The following TPD52L2 variants were observed in gnomAD, a reference collection of about 807,000 sequenced individuals.
TPD52L2 encodes the protein TPD52 like 2.
Under a neutral mutation model 24.7 loss-of-function variants are expected in TPD52L2, and 19 were observed. That is an observed-to-expected ratio of 0.77 (90% CI 0.54 to 1.13). TPD52L2 has a LOEUF of 1.13. Ranked by LOEUF, TPD52L2 falls within the 50% of genes most tolerant of loss-of-function variation. TPD52L2 has a pLI of 0.00. For missense variants in TPD52L2, 236 were observed against 250.4 expected (o/e 0.94, Z 0.39); for synonymous variants, 104 against 100.2 (o/e 1.04, Z -0.23).
At chr20:63,875,248 CGTG>C (rs1019224348) in intron 3 of TPD52L2, among the ~76,000 whole-genome samples, 1 of 151,816 alleles carries the variant, frequency 6.6e-6, no homozygotes, top group African/African-American at 2.4e-5. Flanking sequence ...TACATGACGA[CGTG>C]GTCCTATAAC....
In TPD52L2 at chr20:63,877,495, C is replaced by T. The variant is rs1169035141; in HGVS notation, c.374+1620C>T. Among the ~76,000 whole-genome samples the T allele has an allele frequency of 1.3e-5, 2 of 152,174 alleles. No homozygotes were observed. The highest frequency in any genetic ancestry group is 1.3e-4 in the Admixed American group (2 of 15,274). On this transcript the variant is annotated intron_variant, in intron 4 of 6. Coordinates refer to ENST00000346249, the MANE Select transcript of TPD52L2 (RefSeq NM_003288.4). This position sits in a 1 kb window ranked among gnomAD's most constrained non-coding sequence, Gnocchi z 4.1. ...TTCTAGGGACCCTGGTGGGCTGTGTCTCGGGCTGTTGAACAGTGACTTTGC... is the reference window on the plus strand; with the variant it reads ...TTCTAGGGACCCTGGTGGGCTGTGTTTCGGGCTGTTGAACAGTGACTTTGC...
intron 5 of TPD52L2, among the ~76,000 whole-genome samples, chr20:63,884,839 G>A (rs988240354): frequency 1.3e-5 from 2 of 152,220 alleles, no homozygotes; most frequent in African/African-American, 2.4e-5. Flanking sequence ...GAGCCAGCTC[G>A]CTCCAGTTGG....
chr20:63,866,954 C>A (rs144901804), intron 1 of TPD52L2, among the ~76,000 whole-genome samples: 2,244 of 139,666 alleles, frequency 0.016, 28 homozygotes, highest in Non-Finnish European at 0.021. Flanking sequence ...GGTCTTTCTA[C>A]TTTTTTTTTT....
chr20:63,890,079 GC>G lies in TPD52L2; in HGVS notation c.*135del, dbSNP rs777247456. 7.9e-6 allele frequency: 12 copies of G among 1,511,854 alleles called. No homozygotes were observed. The highest frequency in any genetic ancestry group is 8.9e-6 in the Non-Finnish European group (10 of 1,127,560). 93.7% of individuals were successfully genotyped at this position (1,511,854 alleles called of 1,614,324 possible). A position where few individuals can be genotyped will look rare whatever the true frequency, so the allele number is the denominator to read the frequency against. On this transcript the variant is annotated 3_prime_UTR_variant, in exon 7 of 7. Coordinates refer to ENST00000346249, the MANE Select transcript of TPD52L2 (RefSeq NM_003288.4). ...CCTGAGGACAGTCCTGCCCATCCACGCGGAGATGTGGCTGCCGCGTTTGCAT... is the reference window on the plus strand; with the variant it reads ...CCTGAGGACAGTCCTGCCCATCCACGGGAGATGTGGCTGCCGCGTTTGCAT...
intron 1 of TPD52L2, among the ~76,000 whole-genome samples, chr20:63,866,195 C>T (rs570408632): frequency 2.6e-4 from 40 of 152,138 alleles, no homozygotes; most frequent in African/African-American, 9.4e-4. Context: ...ACCTCGACCT[C>T]CCGGGTTCAA....
intron 2 of TPD52L2, among the ~76,000 whole-genome samples, chr20:63,873,266 G>A (rs552854843): frequency 6.6e-6 from 1 of 151,970 alleles, no homozygotes; most frequent in South Asian, 2.1e-4. Context: ...GAGGTGGGAG[G>A]ATCACCTGAG....
intron 5 of TPD52L2, among the ~76,000 whole-genome samples, chr20:63,883,642 T>C (rs1292746616): frequency 6.6e-6 from 1 of 152,112 alleles, no homozygotes; most frequent in Non-Finnish European, 1.5e-5. Context: ...ACTGGTCTTC[T>C]GGCTTTTGGA....
chr20:63,869,459 T>A lies in TPD52L2; in HGVS notation c.165+18T>A, dbSNP rs764057446. ...TTACCAAGGTGCTGTGGCTTGGCTG[T>A]CTGTCCTGGGGTGAATTGGAGTTAA... is the stretch of plus-strand genomic sequence containing the variant. On this transcript the variant is annotated intron_variant, in intron 2 of 6. Coordinates refer to ENST00000346249, the MANE Select transcript of TPD52L2 (RefSeq NM_003288.4). 1 of 1,613,554 alleles carries A rather than the reference T, an allele frequency of 6.2e-7. No homozygotes were observed. The highest frequency in any genetic ancestry group is 8.5e-7 in the Non-Finnish European group (1 of 1,179,636).
intron 5 of TPD52L2, among the ~76,000 whole-genome samples, chr20:63,883,798 T>TA (rs1420007289): frequency 7.2e-6 from 1 of 139,408 alleles, no homozygotes; most frequent in Non-Finnish European, 1.5e-5. Context: ...GATTCAGAGA[T>TA]ACGTACATCT....
Position 63,869,326 on chromosome 20 carries a change from T to G in TPD52L2, c.50T>G (p.Leu17Arg). The G allele has an allele frequency of 6.2e-7, 1 of 1,614,214 alleles. No individual in the cohort carries two copies. Among genetic ancestry groups the G allele is most frequent in the Non-Finnish European group, 8.5e-7 (1 of 1,180,036 alleles). Residue 17 changes from leucine (L) to arginine (R), a missense_variant, in exon 2 of 7, where the codon CTG becomes CGG. Physicochemically the swap from Leu to Arg is moderately radical, Grantham distance 102. Coordinates refer to ENST00000346249, the MANE Select transcript of TPD52L2 (RefSeq NM_003288.4). ...DINLNSPNKGLLSDSMTDVPV... is the reference protein window; with the variant it reads ...DINLNSPNKGRLSDSMTDVPV... Reference sequence around the variant, plus strand: ...AACCTGAATTCTCCTAACAAAGGTCTGCTGTCTGACTCCATGACGGATGTT... The same window carrying G: ...AACCTGAATTCTCCTAACAAAGGTCGGCTGTCTGACTCCATGACGGATGTT...
chr20:63,891,360 A>C lies in TPD52L2; in HGVS notation c.*1415A>C, dbSNP rs1278216607. 6.6e-6 allele frequency: 1 copy of C among 152,498 alleles called. No individual in the cohort carries two copies. The highest frequency in any genetic ancestry group is 2.4e-5 in the African/African-American group (1 of 41,452). 9.4% of individuals were successfully genotyped at this position (152,498 alleles called of 1,614,324 possible). A position where few individuals can be genotyped will look rare whatever the true frequency, so the allele number is the denominator to read the frequency against. ...GACACCCTTGGGGATGGCACTCCACACACGACAGAGATGCAGGGGCCAGGG... is the reference window on the plus strand; with the variant it reads ...GACACCCTTGGGGATGGCACTCCACCCACGACAGAGATGCAGGGGCCAGGG... On this transcript the variant is annotated 3_prime_UTR_variant, in exon 7 of 7. Transcript: ENST00000346249. This position sits in a 1 kb window ranked among gnomAD's most constrained non-coding sequence, Gnocchi z 4.7.
intron 1 of TPD52L2, among the ~76,000 whole-genome samples, chr20:63,868,122 A>T (rs957635801): frequency 6.6e-6 from 1 of 152,100 alleles, no homozygotes; most frequent in African/African-American, 2.4e-5. Context: ...CATTTTGGTC[A>T]AGCTGGTCTC....
Position 63,865,292 on chromosome 20 carries a change from G to C in TPD52L2, c.-74G>C. The C allele has an allele frequency of 6.8e-7, 1 of 1,472,614 alleles. No homozygotes were observed. The highest frequency in any genetic ancestry group is 9.0e-7 in the Non-Finnish European group (1 of 1,114,650). 91.2% of individuals were successfully genotyped at this position (1,472,614 alleles called of 1,614,324 possible). A position where few individuals can be genotyped will look rare whatever the true frequency, so the allele number is the denominator to read the frequency against. The stretch of plus-strand genomic sequence containing the variant: ...GGCAGTTCCGCTGGCTAGTGTGTAC[G>C]CGGCGAGCTTCTCCCGGCGCCGCCC... On this transcript the variant is annotated 5_prime_UTR_variant, in exon 1 of 7. Coordinates refer to ENST00000346249, the MANE Select transcript of TPD52L2 (RefSeq NM_003288.4).
chr20:63,881,492 C>T (rs2052897659), intron 4 of TPD52L2, among the ~76,000 whole-genome samples: 1 of 152,130 alleles, frequency 6.6e-6, no homozygotes, highest in Admixed American at 6.5e-5. Flanking sequence ...TGTTTGGGGG[C>T]TGGAGAGTAG....
At chr20:63,869,572 G>T (rs1295066069) in intron 2 of TPD52L2, 131 bp downstream of exon 2, 3 of 1,131,790 alleles carry the variant, frequency 2.7e-6, no homozygotes, top group African/African-American at 1.5e-5. Flanking sequence ...TCTGTGTTCC[G>T]ACTGATAACG....
intron 4 of TPD52L2, among the ~76,000 whole-genome samples, chr20:63,882,199 T>C (rs1004163958): frequency 6.6e-6 from 1 of 152,206 alleles, no homozygotes; most frequent in Admixed American, 6.5e-5. Flanking sequence ...TGAGCTTGCA[T>C]TTTCTCCCCT....
rs1221683403 is a variant in TPD52L2 at position 63,890,277 on chromosome 20, A to G, written c.*332A>G. 1 of 465,172 alleles carries G rather than the reference A, an allele frequency of 2.1e-6. No individual in the cohort carries two copies. The highest frequency in any genetic ancestry group is 2.0e-5 in the African/African-American group (1 of 50,456). The allele number at this position is 465,172 out of a possible 1,614,324, so 28.8% of individuals were successfully genotyped here. On this transcript the variant is annotated 3_prime_UTR_variant, in exon 7 of 7. Coordinates refer to ENST00000346249, the MANE Select transcript of TPD52L2 (RefSeq NM_003288.4). Reference sequence around the variant, plus strand: ...TTGGGAATCATGTTAGCCCATCAGAATGTTGAAGGATTGAAGAGTTCTAAG... The same window carrying G: ...TTGGGAATCATGTTAGCCCATCAGAGTGTTGAAGGATTGAAGAGTTCTAAG...
intron 1 of TPD52L2, 134 bp from the exon 2 acceptor site, chr20:63,869,162 C>T (rs993045330): frequency 2.0e-6 from 2 of 1,008,996 alleles, no homozygotes; most frequent in South Asian, 2.9e-5. Flanking sequence ...CCTCACAGAC[C>T]TTTCAGAGAA....
chr20:63,871,522 G>T (rs992393926), intron 2 of TPD52L2, among the ~76,000 whole-genome samples: 1 of 151,174 alleles, frequency 6.6e-6, no homozygotes, highest in South Asian at 2.1e-4. Flanking sequence ...GCTAATTTTT[G>T]TATTTTTAGT....
Sources: gnomAD v4.1 joint callset for allele counts (sites outside exome capture counted in the v4.1 genomes callset) on GRCh38, gnomAD v4.1.1 for gene constraint, Gnocchi (gnomAD v3.1) non-coding constraint, MANE v1.5 for transcripts, NCBI Gene and HGNC (gene_info 2026-07-23, HGNC 2026-07-21) for gene names.